CMPK1: variants seen among roughly 807,000 people sequenced by gnomAD.
CMPK1 encodes the protein cytidine/uridine monophosphate kinase 1, also known as UMP-CMP kinase.
In CMPK1, 10 loss-of-function variants were observed where a neutral mutation model predicts 25.7. The ratio of observed to expected loss-of-function variants is 0.39; its 90% CI spans 0.24 to 0.66. The LOEUF is 0.66. CMPK1 is among the 30% of genes least tolerant of loss of function. CMPK1 has a pLI of 0.48. For synonymous variants in CMPK1, 106 were observed against 101.5 expected (o/e 1.04, Z -0.27); for missense variants, 199 against 280.5 (o/e 0.71, Z 2.08).
chr1:47,338,090 A>G (rs187961337), intron 1 of CMPK1, among the ~76,000 whole-genome samples: 92 of 152,246 alleles, frequency 6.0e-4, no homozygotes, highest in African/African-American at 2.1e-3. Flanking sequence ...AAATTCTCCA[A>G]TTAATCTGGC....
At chr1:47,345,494 T>G (rs10157734) in intron 1 of CMPK1, among the ~76,000 whole-genome samples, 37,868 of 147,200 alleles carry the variant, frequency 0.26, 5,122 homozygotes, top group Non-Finnish European at 0.3. Context: ...GCAATTTAAT[T>G]TCTTTTTTTT....
chr1:47,367,312 C>G (rs1020166069), intron 1 of CMPK1, among the ~76,000 whole-genome samples: 1 of 152,164 alleles, frequency 6.6e-6, no homozygotes, highest in Non-Finnish European at 1.5e-5. Flanking sequence ...TGCTGACTAC[C>G]TTACCGTTAA....
At chr1:47,359,430 C>T (rs1332317537) in intron 1 of CMPK1, among the ~76,000 whole-genome samples, 1 of 134,552 alleles carries the variant, frequency 7.4e-6, no homozygotes, top group Non-Finnish European at 1.5e-5. Flanking sequence ...CTCTGTCACC[C>T]AGGCTGGAGT....
At chr1:47,374,831 A>T in intron 3 of CMPK1, 78 bp from the exon 4 acceptor site, 2 of 1,096,272 alleles carry the variant, frequency 1.8e-6, no homozygotes, top group Non-Finnish European at 2.7e-6. Context: ...TCATCTCTTT[A>T]AACTCTTGTT....
chr1:47,359,386 CTTTTTT>C (rs71053107), intron 1 of CMPK1, among the ~76,000 whole-genome samples: 2 of 102,758 alleles, frequency 1.9e-5, no homozygotes, highest in Non-Finnish European at 3.6e-5. Context: ...AACCTTTTTT[CTTTTTT>C]TTTTTTTTTT....
At chr1:47,347,629 G>C (rs1407972875) in intron 1 of CMPK1, among the ~76,000 whole-genome samples, 1 of 151,644 alleles carries the variant, frequency 6.6e-6, no homozygotes, top group Non-Finnish European at 1.5e-5. Context: ...GTTGTTTTTG[G>C]TTTTTGTTGT....
chr1:47,346,863 C>CCCCTT lies in CMPK1; in HGVS notation c.171+12761_171+12765dup, dbSNP rs1262068206. Among the ~76,000 whole-genome samples, 91 of 150,988 alleles carry CCCCTT rather than the reference C, an allele frequency of 6.0e-4. 1 individual carries two copies. Among genetic ancestry groups the CCCCTT allele is most frequent in the African/African-American group, 2.2e-3 (91 of 41,074 alleles). ...CCTCCTCACTCCTCTCCCCTCTCCT[C>CCCCTT]CCCTTCCCTTCCCTTCCCCAAGTGA... is the stretch of plus-strand genomic sequence containing the variant. On this transcript the variant is annotated intron_variant, in intron 1 of 5. Coordinates refer to ENST00000371873, the MANE Select transcript of CMPK1 (RefSeq NM_016308.3).
At chr1:47,338,526 TCCCTCTCTCCTTCCCTCCC>T (rs1646416492) in intron 1 of CMPK1, among the ~76,000 whole-genome samples, 1 of 64,234 alleles carries the variant, frequency 1.6e-5, no homozygotes, top group African/African-American at 5.1e-5. Flanking sequence ...CCTCCCTCCC[TCCCTCTCTCCTTCCCTCCC>T]TCCCTCTCTC....
intron 1 of CMPK1, among the ~76,000 whole-genome samples, chr1:47,334,642 TG>T (rs1646383042): frequency 6.6e-6 from 1 of 151,860 alleles, no homozygotes. Flanking sequence ...TGGGGCGGGG[TG>T]TTATTTTAGG....
chr1:47,364,847 C>G (rs1646628428), intron 1 of CMPK1, among the ~76,000 whole-genome samples: 2 of 151,880 alleles, frequency 1.3e-5, no homozygotes, highest in Admixed American at 6.6e-5. Flanking sequence ...TCATAGCTCA[C>G]TACATCCTGG....
At position 47,334,093 on chromosome 1, in the gene CMPK1, AC is replaced by A; in HGVS notation, c.151del (p.Gln51SerfsTer49). ...CGGCGGCCCCGGCGCCGGCAAGGGG[AC>A]CCAGTGCGCCCGCATCGTCGAGGTG... ...VLGGPGAGKG[T>X]QCARIVEKYG... is the part of the protein sequence containing the mutation. On this transcript the variant is annotated frameshift_variant, in exon 1 of 6. Coordinates refer to ENST00000371873, the MANE Select transcript of CMPK1 (RefSeq NM_016308.3). LOFTEE classifies it high-confidence loss of function. 6.6e-7 allele frequency: 1 copy of A among 1,524,342 alleles called. No individual in the cohort carries two copies. The highest frequency in any genetic ancestry group is 8.8e-7 in the Non-Finnish European group (1 of 1,134,480). The allele number at this position is 1,524,342 out of a possible 1,614,324, so 94.4% of individuals were successfully genotyped here. A position where few individuals can be genotyped will look rare whatever the true frequency, so the allele number is the denominator to read the frequency against.
chr1:47,375,098 C>T (rs1646698959), intron 4 of CMPK1, 99 bp from the exon 5 acceptor site: 1 of 1,250,338 alleles, frequency 8.0e-7, no homozygotes, highest in Non-Finnish European at 1.2e-6. Flanking sequence ...GATGTTAGGT[C>T]AATCAGTCGG....
chr1:47,358,909 G>C (rs1489682698), intron 1 of CMPK1: 2 of 985,236 alleles, frequency 2.0e-6, no homozygotes, highest in Admixed American at 1.2e-4. Context: ...TCATGAAGAG[G>C]ATCTTTACAT....
intron 2 of CMPK1, among the ~76,000 whole-genome samples, chr1:47,368,868 G>A (rs1472235273): frequency 6.6e-6 from 1 of 152,118 alleles, no homozygotes; most frequent in Non-Finnish European, 1.5e-5. Flanking sequence ...GACAGAGGCA[G>A]AAGGATTGCT....
intron 1 of CMPK1, among the ~76,000 whole-genome samples, chr1:47,368,035 C>T (rs574114920): frequency 3.9e-5 from 6 of 152,176 alleles, no homozygotes; most frequent in African/African-American, 1.2e-4. Context: ...CTGCAACCTC[C>T]GCCTCCCGGG....
In CMPK1 at chr1:47,376,952, G is replaced by T. The variant is rs1049617445; in HGVS notation, c.*207G>T. Reference sequence around the variant, plus strand: ...TGAATTCAGGTTTAACTTCACCTTAGTTATGGTGCTCACCAAACGAAGGGT... The same window carrying T: ...TGAATTCAGGTTTAACTTCACCTTATTTATGGTGCTCACCAAACGAAGGGT... On this transcript the variant is annotated 3_prime_UTR_variant, in exon 6 of 6. Transcript: ENST00000371873. 1 of 408,070 alleles carries T rather than the reference G, an allele frequency of 2.5e-6. No individual in the cohort carries two copies. The highest frequency in any genetic ancestry group is 3.8e-5 in the East Asian group (1 of 26,546). The allele number at this position is 408,070 out of a possible 1,614,324, so 25.3% of individuals were successfully genotyped here.
At chr1:47,374,223 A>G (rs1646693847) in intron 3 of CMPK1, among the ~76,000 whole-genome samples, 2 of 152,094 alleles carry the variant, frequency 1.3e-5, no homozygotes, top group African/African-American at 4.8e-5. Context: ...TGCCTAGTTA[A>G]TTTTTGTATT....
At chr1:47,348,515 G>A (rs566930834) in intron 1 of CMPK1, among the ~76,000 whole-genome samples, 24 of 152,148 alleles carry the variant, frequency 1.6e-4, no homozygotes, top group Non-Finnish European at 3.2e-4. Flanking sequence ...CCATCACTTT[G>A]GTAAAGGAAA....
intron 3 of CMPK1, among the ~76,000 whole-genome samples, chr1:47,374,146 C>T (rs947808062): frequency 2.4e-4 from 37 of 152,312 alleles, no homozygotes; most frequent in African/African-American, 8.2e-4. Flanking sequence ...TCACTGCAAC[C>T]TCCCAGGTTC....
Sources: allele counts gnomAD v4.1 joint callset (sites outside exome capture counted in the v4.1 genomes callset), GRCh38; gene constraint gnomAD v4.1.1; transcripts MANE v1.5; gene names NCBI Gene and HGNC (gene_info 2026-07-23, HGNC 2026-07-21).